ITSN1: variants seen among roughly 807,000 people sequenced by gnomAD.
ITSN1 encodes intersectin 1.
A neutral mutation model predicts 239.8 loss-of-function variants in ITSN1; 58 were observed. That is an observed-to-expected ratio of 0.24 (90% CI 0.20 to 0.30). The LOEUF is 0.30. Among genes scored for constraint, ITSN1 ranks in the 10% least tolerant of loss-of-function variants. The probability of loss-of-function intolerance (pLI) is 1.00; values close to 1 mark genes in which losing one functional copy is unlikely to be tolerated. For missense variants in ITSN1, 1,558 were observed against 2,103.3 expected (o/e 0.74, Z 5.07); for synonymous variants, 780 against 770.8 (o/e 1.01, Z -0.20).
chr21:33,690,785 A>G (rs1348871132), intron 1 of ITSN1, among the ~76,000 whole-genome samples: 1 of 13,754 alleles, frequency 7.3e-5, no homozygotes, highest in African/African-American at 5.6e-4. Flanking sequence ...GTATATATAT[A>G]TATACATATA....
At position 33,672,641 on chromosome 21, in the gene ITSN1, C is replaced by T. The variant is rs750617616; in HGVS notation, c.-33+29928C>T. On this transcript the variant is annotated intron_variant, in intron 1 of 39. Coordinates refer to ENST00000381318, the MANE Select transcript of ITSN1 (RefSeq NM_003024.3). ...TCCCTATACCCAAAGGAAATGAAATCAGCATCTTGGGAAGATATCTGCACT... is the reference window on the plus strand; with the variant it reads ...TCCCTATACCCAAAGGAAATGAAATTAGCATCTTGGGAAGATATCTGCACT... Among the ~76,000 whole-genome samples the T allele has an allele frequency of 6.6e-4, 101 of 152,124 alleles. 1 individual carries two copies. Among genetic ancestry groups the T allele is most frequent in the Non-Finnish European group, 1.2e-3 (80 of 68,028 alleles).
chr21:33,668,031 C>T (rs1018290554), intron 1 of ITSN1, among the ~76,000 whole-genome samples: 1 of 152,098 alleles, frequency 6.6e-6, no homozygotes, highest in African/African-American at 2.4e-5. Context: ...TGGTCCAGTT[C>T]GAAAGTTGGA....
At chr21:33,645,065 C>T (rs1039064761) in intron 1 of ITSN1, among the ~76,000 whole-genome samples, 3 of 152,114 alleles carry the variant, frequency 2.0e-5, no homozygotes, top group Admixed American at 2.0e-4. Context: ...AAACGATTCT[C>T]CCACCTAGGC....
chr21:33,804,762 A>G (rs1274712054), intron 20 of ITSN1, among the ~76,000 whole-genome samples: 1 of 152,262 alleles, frequency 6.6e-6, no homozygotes. Flanking sequence ...TGTCTAAATC[A>G]GTACAATCTT....
At chr21:33,887,938 G>T (rs1452006513) in intron 39 of ITSN1, among the ~76,000 whole-genome samples, 1 of 130,280 alleles carries the variant, frequency 7.7e-6, no homozygotes. Flanking sequence ...AAAGGTTGGG[G>T]TTGGGTTTTT....
At chr21:33,751,266 T>C (rs1865814673) in intron 6 of ITSN1, among the ~76,000 whole-genome samples, 1 of 152,216 alleles carries the variant, frequency 6.6e-6, no homozygotes, top group African/African-American at 2.4e-5. Flanking sequence ...TAATGGCACA[T>C]GTTGCAAGTC....
intron 10 of ITSN1, 142 bp downstream of exon 10, chr21:33,766,154 G>A: frequency 2.4e-6 from 2 of 833,420 alleles, no homozygotes; most frequent in South Asian, 1.8e-5. Context: ...TCTCATCTAG[G>A]TCTATGTTAA....
chr21:33,769,997 A>C (rs1390155334), intron 11 of ITSN1, among the ~76,000 whole-genome samples: 1 of 151,420 alleles, frequency 6.6e-6, no homozygotes, highest in Non-Finnish European at 1.5e-5. Context: ...TGCGCTCGGC[A>C]GTCCCTGTCT....
Position 33,782,024 on chromosome 21 carries a change from T to C in ITSN1, c.1715T>C (p.Leu572Ser). Residue 572 changes from leucine (L) to serine (S), a missense_variant, in exon 16 of 40, where the codon TTA becomes TCA. By Grantham distance (145) the Leu-to-Ser change is moderately radical (BLOSUM62 -2). Coordinates refer to ENST00000381318, the MANE Select transcript of ITSN1 (RefSeq NM_003024.3). ...RDSLVTLKRALEAKELARQHL... is the reference protein window; with the variant it reads ...RDSLVTLKRASEAKELARQHL... Reference sequence around the variant, plus strand: ...TCACTTGTTACACTTAAAAGAGCCTTAGAAGCAAAAGAACTAGCTCGGCAG... The same window carrying C: ...TCACTTGTTACACTTAAAAGAGCCTCAGAAGCAAAAGAACTAGCTCGGCAG... The C allele has an allele frequency of 6.2e-7, 1 of 1,612,818 alleles. No individual in the cohort carries two copies. The highest frequency in any genetic ancestry group is 8.5e-7 in the Non-Finnish European group (1 of 1,179,718).
At chr21:33,874,650 C>CTT (rs146318076) in intron 33 of ITSN1, among the ~76,000 whole-genome samples, 62,146 of 138,022 alleles carry the variant, frequency 0.45, 14,962 homozygotes, top group African/African-American at 0.57. Flanking sequence ...TTTTCTTTTT[C>CTT]TTTCTTTTTT....
chr21:33,717,854 A>G (rs1185277824), intron 1 of ITSN1, among the ~76,000 whole-genome samples: 1 of 152,214 alleles, frequency 6.6e-6, no homozygotes, highest in Admixed American at 6.5e-5. Flanking sequence ...GGCGTGAGCC[A>G]CTGCGCCCGG....
chr21:33,875,815 G>A (rs1366728520), intron 34 of ITSN1, among the ~76,000 whole-genome samples: 5 of 152,072 alleles, frequency 3.3e-5, no homozygotes, highest in Non-Finnish European at 5.9e-5. Context: ...TGAATAGCTG[G>A]GACTACAGGC....
At chr21:33,733,121 A>T (rs934697803) in intron 4 of ITSN1, among the ~76,000 whole-genome samples, 5 of 152,274 alleles carry the variant, frequency 3.3e-5, no homozygotes, top group East Asian at 1.9e-4. Flanking sequence ...CCAAGGGGGA[A>T]AAAAAACCTT....
At chr21:33,666,597 A>G (rs1212938690) in intron 1 of ITSN1, among the ~76,000 whole-genome samples, 6 of 152,208 alleles carry the variant, frequency 3.9e-5, no homozygotes, top group Non-Finnish European at 7.3e-5. Flanking sequence ...GTTGAATGAA[A>G]TATATCGTAG....
chr21:33,876,584 T>G (rs1353623313), intron 34 of ITSN1, among the ~76,000 whole-genome samples: 3 of 152,200 alleles, frequency 2.0e-5, no homozygotes, highest in African/African-American at 7.2e-5. Flanking sequence ...TCCTTCTTAT[T>G]TATTTCTTAA....
chr21:33,808,665 A>G (rs1374832882), intron 20 of ITSN1, among the ~76,000 whole-genome samples: 2 of 152,320 alleles, frequency 1.3e-5, no homozygotes, highest in Middle Eastern at 3.4e-3. Flanking sequence ...GAGCATTATA[A>G]TAAGACAGGT....
intron 1 of ITSN1, among the ~76,000 whole-genome samples, chr21:33,674,109 G>T (rs1279132658): frequency 6.6e-6 from 1 of 152,164 alleles, no homozygotes; most frequent in East Asian, 1.9e-4. Flanking sequence ...CCTTGAGGCA[G>T]CCAGGTGTAT....
chr21:33,757,918 C>T (rs1282512878), intron 8 of ITSN1, among the ~76,000 whole-genome samples: 2 of 151,960 alleles, frequency 1.3e-5, no homozygotes, highest in Non-Finnish European at 2.9e-5. Flanking sequence ...GCTTTGTTAC[C>T]CAGGCTGGAG....
Position 33,823,519 on chromosome 21 carries a change from G to A in ITSN1, c.3049G>A (p.Glu1017Lys), listed in dbSNP as rs751198160. 1 of 1,614,110 alleles carries A rather than the reference G, an allele frequency of 6.2e-7. No homozygotes were observed. Among genetic ancestry groups the A allele is most frequent in the Admixed American group, 1.7e-5 (1 of 60,018 alleles). Residue 1017 changes from glutamate (E) to lysine (K), a missense_variant, in exon 25 of 40, where the codon GAG (glutamate) becomes AAG (lysine). Around this residue, in one of 2 missense-constraint regions of ITSN1, gnomAD observed 576 missense variants for 893.3 expected, o/e 0.64. Coordinates refer to ENST00000381318, the MANE Select transcript of ITSN1 (RefSeq NM_003024.3). ...FIAMYTYESS[E>K]QGDLTFQQGD... Reference sequence around the variant, plus strand: ...TGCCATGTACACTTACGAGAGTTCTGAGCAAGGAGATTTAACCTTTCAGCA... The same window carrying A: ...TGCCATGTACACTTACGAGAGTTCTAAGCAAGGAGATTTAACCTTTCAGCA...
Sources: gnomAD v4.1 joint callset for allele counts (sites outside exome capture counted in the v4.1 genomes callset) on GRCh38, gnomAD v4.1.1 for gene constraint, gnomAD v4.1.1 regional missense constraint, MANE v1.5 for transcripts, NCBI Gene and HGNC (gene_info 2026-07-23, HGNC 2026-07-21) for gene names.